The following PARM1 variants were observed in gnomAD, a reference collection of about 807,000 sequenced individuals.
PARM1 encodes WSC4, cell wall integrity and stress response component 4 homolog.
A neutral mutation model predicts 24.6 loss-of-function variants in PARM1; 14 were observed. That is an observed-to-expected ratio of 0.57 (90% CI 0.38 to 0.89). The LOEUF is 0.89. Ranked by LOEUF, PARM1 falls within the 40% of genes least tolerant of loss-of-function variation. PARM1 has a pLI of 0.00. For synonymous variants in PARM1, 179 were observed against 156.6 expected, an observed-to-expected ratio of 1.14 and a Z score of -1.07; for missense variants, 362 against 380.4, an observed-to-expected ratio of 0.95 and a Z score of 0.40.
Position 75,012,855 on chromosome 4 carries a change from C to T in PARM1, c.474C>T (p.Pro158=), listed in dbSNP as rs777715883. The T allele has an allele frequency of 1.9e-6, 3 of 1,613,996 alleles. No individual in the cohort carries two copies. The highest frequency in any genetic ancestry group is 2.2e-5 in the South Asian group (2 of 91,076). ...CCCCTCAAGCTCCAGCCTCATCACCCTCATCCCTATCAACCTCACCACCTG... is the reference window on the plus strand; with the variant it reads ...CCCCTCAAGCTCCAGCCTCATCACCTTCATCCCTATCAACCTCACCACCTG... ...LISPQAPASS[P]SSLSTSPPEV... The change falls in exon 2 of 4, where the codon CCC becomes CCT. Residue 158 remains proline (P), a synonymous_variant. Coordinates refer to ENST00000307428, the MANE Select transcript of PARM1 (RefSeq NM_015393.4).
intron 2 of PARM1, 43 bp from the exon 3 acceptor site, chr4:75,033,840 T>TATC: frequency 6.6e-7 from 1 of 1,504,968 alleles, no homozygotes; most frequent in Non-Finnish European, 9.1e-7. Context: ...TGATGCCCCG[T>TATC]ATCCTCATGT....
intron 1 of PARM1, chr4:74,969,421 G>A (rs1198720643): frequency 6.6e-6 from 1 of 152,204 alleles, no homozygotes; most frequent in Non-Finnish European, 1.5e-5. Context: ...TTGCAGACAA[G>A]CAAATCTGAA....
intron 1 of PARM1, among the ~76,000 whole-genome samples, chr4:74,975,182 C>T (rs1722117557): frequency 6.6e-6 from 1 of 152,184 alleles, no homozygotes; most frequent in African/African-American, 2.4e-5. Context: ...ATTGCATCCC[C>T]TGTTAGATGT....
intron 2 of PARM1, among the ~76,000 whole-genome samples, chr4:75,017,909 G>A (rs764674998): frequency 9.2e-5 from 14 of 152,184 alleles, no homozygotes; most frequent in Admixed American, 4.6e-4. Flanking sequence ...CACATAATGC[G>A]GTTATTAGAA....
intron 1 of PARM1, among the ~76,000 whole-genome samples, chr4:74,955,447 A>C (rs560101675): frequency 1.6e-4 from 24 of 152,362 alleles, no homozygotes; most frequent in African/African-American, 5.5e-4. Flanking sequence ...AAAACACCTG[A>C]AATTGTATCA....
intron 1 of PARM1, among the ~76,000 whole-genome samples, chr4:74,982,367 TG>T (rs1486203235): frequency 1.4e-4 from 22 of 152,310 alleles, no homozygotes; most frequent in Middle Eastern, 3.4e-3. Flanking sequence ...ACCTAGGTGA[TG>T]GCTTGGTATG....
intron 1 of PARM1, among the ~76,000 whole-genome samples, chr4:74,945,300 C>T (rs1028802344): frequency 6.6e-6 from 1 of 152,148 alleles, no homozygotes; most frequent in Non-Finnish European, 1.5e-5. Flanking sequence ...TAATAAACAG[C>T]TTGTATTCCC....
At chr4:74,938,517 G>T (rs948982715) in intron 1 of PARM1, among the ~76,000 whole-genome samples, 8 of 152,170 alleles carry the variant, frequency 5.3e-5, no homozygotes, top group Admixed American at 6.5e-5. Context: ...GTAATTCTGA[G>T]AAGAGGTGGG....
At chr4:74,957,906 C>T (rs1050886373) in intron 1 of PARM1, among the ~76,000 whole-genome samples, 1 of 152,172 alleles carries the variant, frequency 6.6e-6, no homozygotes, top group Non-Finnish European at 1.5e-5. Flanking sequence ...TCATTGCAGG[C>T]AGGTAGCCCA....
chr4:74,934,253 C>T (rs1009720292), intron 1 of PARM1, among the ~76,000 whole-genome samples: 1 of 152,042 alleles, frequency 6.6e-6, no homozygotes, highest in African/African-American at 2.4e-5. Flanking sequence ...AAACGTCTCC[C>T]GAAAAGGGAC....
chr4:75,030,647 A>G (rs1384770291), intron 2 of PARM1, among the ~76,000 whole-genome samples: 3 of 152,204 alleles, frequency 2.0e-5, no homozygotes, highest in Non-Finnish European at 4.4e-5. Flanking sequence ...ATTATAAAAT[A>G]TATAGATAAG....
At chr4:75,034,276 C>T (rs1252436989) in intron 3 of PARM1, among the ~76,000 whole-genome samples, 1 of 152,156 alleles carries the variant, frequency 6.6e-6, no homozygotes, top group Admixed American at 6.5e-5. Flanking sequence ...CCTGGGAAAG[C>T]CACATGCCTC....
intron 1 of PARM1, among the ~76,000 whole-genome samples, chr4:74,970,937 AG>A (rs1722019577): frequency 6.6e-6 from 1 of 152,156 alleles, no homozygotes; most frequent in African/African-American, 2.4e-5. Context: ...ACTTTGAGAT[AG>A]TTTCCTCACT....
At chr4:75,017,367 C>G (rs1205653706) in intron 2 of PARM1, among the ~76,000 whole-genome samples, 2 of 152,208 alleles carry the variant, frequency 1.3e-5, no homozygotes, top group Admixed American at 1.3e-4. Context: ...CTCAGACACA[C>G]TGGCAGTCTT....
At chr4:74,952,989 C>T (rs966669967) in intron 1 of PARM1, among the ~76,000 whole-genome samples, 3 of 152,124 alleles carry the variant, frequency 2.0e-5, no homozygotes, top group African/African-American at 7.2e-5. Flanking sequence ...TAGATTAATA[C>T]ATTTTCTGGA....
chr4:75,046,303 C>G lies in PARM1; in HGVS notation c.*56C>G. 8.8e-7 allele frequency: 1 copy of G among 1,141,734 alleles called. No individual in the cohort carries two copies. Among genetic ancestry groups the G allele is most frequent in the Non-Finnish European group, 1.3e-6 (1 of 757,584 alleles). 70.7% of individuals were successfully genotyped at this position (1,141,734 alleles called of 1,614,324 possible). On this transcript the variant is annotated 3_prime_UTR_variant, in exon 4 of 4. Transcript: ENST00000307428. The stretch of plus-strand genomic sequence containing the variant: ...CTGTTCTTTATTTATAAGTGCTTAT[C>G]CAGTAGAATTAATAAGTACCTGATG...
chr4:74,970,372 C>T (rs1293696986), intron 1 of PARM1: 1 of 152,102 alleles, frequency 6.6e-6, no homozygotes, highest in Non-Finnish European at 1.5e-5. Context: ...GGTTGTGGAC[C>T]ATGTGAGGCT....
Position 74,996,507 on chromosome 4 carries a change from GTTGCT to G in PARM1, c.44-15916_44-15912del. 1.3e-5 allele frequency among the ~76,000 whole-genome samples: 2 copies of G among 152,204 alleles called. 1 individual carries two copies. The highest frequency in any genetic ancestry group is 1.3e-4 in the Admixed American group (2 of 15,274). On this transcript the variant is annotated intron_variant, in intron 1 of 3. Coordinates refer to ENST00000307428, the MANE Select transcript of PARM1 (RefSeq NM_015393.4). ...TTATTTTGGAAGTGGGCAGTGGGGA[GTTGCT>G]TAGTGTAGATTGACCTATTGAATTT...
chr4:75,043,809 C>G (rs1175822318), intron 3 of PARM1, among the ~76,000 whole-genome samples: 7 of 152,170 alleles, frequency 4.6e-5, no homozygotes, highest in African/African-American at 1.7e-4. Flanking sequence ...TTTACCAAAG[C>G]TACCTCCCTT....
Sources: allele counts gnomAD v4.1 joint callset (sites outside exome capture counted in the v4.1 genomes callset), GRCh38; gene constraint gnomAD v4.1.1; transcripts MANE v1.5; gene names NCBI Gene and HGNC (gene_info 2026-07-23, HGNC 2026-07-21).